The following ADSS1 variants were observed in gnomAD, a reference collection of about 807,000 sequenced individuals.
ADSS1 encodes the protein adenylosuccinate synthase 1.
ADSS1 carries 57 observed loss-of-function variants against 59.1 expected under a neutral mutation model. The observed-to-expected ratio is 0.97, with a 90% CI of 0.78 to 1.20. The LOEUF is 1.20. ADSS1 is among the 50% of genes most tolerant of loss of function. ADSS1 has a pLI of 0.00. For missense variants in ADSS1, 603 were observed against 610.3 expected (o/e 0.99, Z 0.13); for synonymous variants, 247 against 249.4 (o/e 0.99, Z 0.09).
At chr14:104,736,901 T>C (rs369018082) in intron 2 of ADSS1, among the ~76,000 whole-genome samples, 1 of 92,012 alleles carries the variant, frequency 1.1e-5, no homozygotes, top group African/African-American at 3.5e-5. Context: ...TATATATATA[T>C]ATATATATAT....
At chr14:104,742,495 C>A (rs1174010899) in intron 9 of ADSS1, among the ~76,000 whole-genome samples, 1 of 152,266 alleles carries the variant, frequency 6.6e-6, no homozygotes, top group African/African-American at 2.4e-5. Context: ...TTTCTGGAAG[C>A]TGCTGTGGCC....
Position 104,740,114 on chromosome 14 carries a change from G to A in ADSS1, c.476+298G>A, listed in dbSNP as rs1309429613. On this transcript the variant is annotated intron_variant, in intron 5 of 12. Transcript: ENST00000330877. The surrounding 1 kb of genome is among the most constrained non-coding windows in gnomAD (Gnocchi z 4.8). ...CCCACCACCTTTCCTGACTCCACAC[G>A]GCCCCAGGGAAGACACGAGGAACAC... 3.9e-5 allele frequency among the ~76,000 whole-genome samples: 6 copies of A among 151,966 alleles called. No individual in the cohort carries two copies. Among genetic ancestry groups the A allele is most frequent in the African/African-American group, 7.3e-5 (3 of 41,348 alleles).
rs1253467535 is a variant in ADSS1, at chr14:104,729,519, G to C, written c.192+5057G>C. ...GAGGTAGCGTCGGCGTGGGGGAGGA[G>C]CGTGGCGTCGGCGTCGTGGGGAGGA... On this transcript the variant is annotated intron_variant, in intron 1 of 12. Transcript: ENST00000330877. 3.3e-4 allele frequency among the ~76,000 whole-genome samples: 47 copies of C among 144,272 alleles called. 1 individual carries two copies. The highest frequency in any genetic ancestry group is 6.2e-4 in the Non-Finnish European group (40 of 64,906). The allele number at this position is 144,272 out of a possible 152,430, so 94.6% of individuals were successfully genotyped here.
chr14:104,734,785 TG>T (rs1055993394), intron 1 of ADSS1, among the ~76,000 whole-genome samples: 24 of 152,178 alleles, frequency 1.6e-4, no homozygotes, highest in African/African-American at 5.8e-4. Context: ...GGCACCAGCC[TG>T]GGCCAGACCC....
At chr14:104,736,909 T>TATATATATATATATATAC (rs1891154440) in intron 2 of ADSS1, among the ~76,000 whole-genome samples, 1 of 143,502 alleles carries the variant, frequency 7.0e-6, no homozygotes, top group African/African-American at 2.6e-5. Flanking sequence ...TATATATATA[T>TATATATATATATATATAC]ATATGCATTT....
At chr14:104,746,830 T>C (rs1479604845) in intron 12 of ADSS1, 121 bp from the exon 13 acceptor site, 3 of 1,022,726 alleles carry the variant, frequency 2.9e-6, no homozygotes, top group Non-Finnish European at 4.5e-6. Context: ...CTGCCTCCAT[T>C]TGGAGAGAAA....
chr14:104,724,772 T>C (rs1250704761), intron 1 of ADSS1, among the ~76,000 whole-genome samples: 1 of 151,992 alleles, frequency 6.6e-6, no homozygotes, highest in Non-Finnish European at 1.5e-5. Flanking sequence ...GCGCATGCCA[T>C]GGGTGTGACG....
chr14:104,730,269 G>A (rs913059452), intron 1 of ADSS1: 61 of 1,435,786 alleles, frequency 4.2e-5, no homozygotes, highest in Non-Finnish European at 4.5e-5. Context: ...CGAGGCGAGC[G>A]GATCACTTAG....
At position 104,735,923 on chromosome 14, in the gene ADSS1, G is replaced by C. The variant is rs370918692; in HGVS notation, c.295+801G>C. 2.6e-5 allele frequency among the ~76,000 whole-genome samples: 4 copies of C among 152,324 alleles called. No individual in the cohort carries two copies. The South Asian group carries it at 8.3e-4, about 32-fold the overall frequency. ...GCCCCTTCTTGTACTTTCCCTTCCA[G>C]CTGTTTCCAGACTTCAGCAAGGCCA... On this transcript the variant is annotated intron_variant, in intron 2 of 12. Transcript: ENST00000330877.
chr14:104,742,177 C>T (rs1366248199), intron 9 of ADSS1, among the ~76,000 whole-genome samples, 175 bp downstream of exon 9: 4 of 152,240 alleles, frequency 2.6e-5, no homozygotes, highest in East Asian at 1.9e-4. Context: ...TAGTAAGAGG[C>T]GCTGGGGTGG....
intron 12 of ADSS1, among the ~76,000 whole-genome samples, 199 bp from the exon 13 acceptor site, chr14:104,746,752 C>G (rs1251529160): frequency 6.6e-6 from 1 of 152,240 alleles, no homozygotes; most frequent in Non-Finnish European, 1.5e-5. Context: ...AGGGAGGAGA[C>G]TCCTGTTTTC....
rs1890851798 is a variant in ADSS1, at chr14:104,729,889, C to T, written c.193-5131C>T. 5.3e-6 allele frequency: 8 copies of T among 1,498,104 alleles called. 2 individuals are homozygous for T. The highest frequency in any genetic ancestry group is 5.0e-5 in the South Asian group (4 of 79,960). The allele number at this position is 1,498,104 out of a possible 1,614,324, so 92.8% of individuals were successfully genotyped here. ...GGCGTCGTGGGGAGGAGCGTGGCGT[C>T]GGCATGGTGGGGAGGAGCTGTGGGG... On this transcript the variant is annotated intron_variant, in intron 1 of 12. Transcript: ENST00000330877.
intron 7 of ADSS1, 67 bp from the exon 8 acceptor site, chr14:104,741,050 T>A: frequency 6.3e-7 from 1 of 1,586,304 alleles, no homozygotes; most frequent in Non-Finnish European, 8.6e-7. Context: ...TGGCCAACCT[T>A]CTTGGGACGC....
At chr14:104,731,069 G>A (rs1012678914) in intron 1 of ADSS1, among the ~76,000 whole-genome samples, 6 of 151,358 alleles carry the variant, frequency 4.0e-5, no homozygotes, top group South Asian at 2.1e-4. Context: ...GGTAGAGAGC[G>A]CCAGGGGGCC....
chr14:104,728,984 G>A (rs35590716), intron 1 of ADSS1, among the ~76,000 whole-genome samples: 16,685 of 152,250 alleles, frequency 0.11, 926 homozygotes, highest in Admixed American at 0.12. Flanking sequence ...GAGGCACGGC[G>A]CCGTCAGACA....
chr14:104,728,989 C>T (rs1364436650), intron 1 of ADSS1, among the ~76,000 whole-genome samples: 1 of 152,206 alleles, frequency 6.6e-6, no homozygotes, highest in Non-Finnish European at 1.5e-5. Context: ...ACGGCGCCGT[C>T]AGACATGCAG....
At chr14:104,736,320 T>TC (rs1184365606) in intron 2 of ADSS1, among the ~76,000 whole-genome samples, 1 of 152,222 alleles carries the variant, frequency 6.6e-6, no homozygotes, top group African/African-American at 2.4e-5. Flanking sequence ...CGGGTTGTGC[T>TC]GCAGGAAGCC....
chr14:104,741,058 C>A (rs978232467), intron 7 of ADSS1, 59 bp from the exon 8 acceptor site: 9 of 1,583,362 alleles, frequency 5.7e-6, no homozygotes, highest in Non-Finnish European at 7.7e-6. Context: ...CTTCTTGGGA[C>A]GCAGGCCTCC....
At chr14:104,726,015 G>A (rs1302217789) in intron 1 of ADSS1, among the ~76,000 whole-genome samples, 5 of 152,082 alleles carry the variant, frequency 3.3e-5, no homozygotes, top group East Asian at 3.9e-4. Flanking sequence ...CCGCTCACTC[G>A]CAGCTGCACA....
Sources: allele counts gnomAD v4.1 joint callset (sites outside exome capture counted in the v4.1 genomes callset), GRCh38; gene constraint gnomAD v4.1.1; non-coding constraint Gnocchi (gnomAD v3.1); transcripts MANE v1.5; gene names NCBI Gene and HGNC (gene_info 2026-07-23, HGNC 2026-07-21).